Variants in DBF4 observed in about 807,000 individuals in gnomAD.
DBF4 encodes DBF4-CDC7 kinase regulatory subunit.
Under a neutral mutation model 76.6 loss-of-function variants are expected in DBF4, and 25 were observed. That is an observed-to-expected ratio of 0.33 (90% CI 0.24 to 0.46). The LOEUF (loss-of-function observed/expected upper bound fraction) is 0.46. DBF4 is among the 20% of genes least tolerant of loss of function. The probability of loss-of-function intolerance (pLI) is 1.00; values close to 1 mark genes in which losing one functional copy is unlikely to be tolerated. For synonymous variants in DBF4, 213 were observed against 258.0 expected, an observed-to-expected ratio of 0.83 and a Z score of 1.67; for missense variants, 638 against 760.8, an observed-to-expected ratio of 0.84 and a Z score of 1.90.
intron 8 of DBF4, 81 bp downstream of exon 8, chr7:87,897,420 T>G: frequency 7.7e-7 from 1 of 1,295,608 alleles, no homozygotes; most frequent in South Asian, 1.3e-5. Flanking sequence ...CTAGCTCGAT[T>G]AGTACTGTTA....
In DBF4 at chr7:87,893,478, C is replaced by T. The variant is rs570486165; in HGVS notation, c.598-2996C>T. On this transcript the variant is annotated intron_variant, in intron 6 of 11. Coordinates refer to ENST00000265728, the MANE Select transcript of DBF4 (RefSeq NM_006716.4). The stretch of plus-strand genomic sequence containing the variant: ...GCCAGAATGGTCTCGATCTCCTGAC[C>T]TCATGATCCACCCGCCTCGGCCTCC... 1.3e-4 allele frequency among the ~76,000 whole-genome samples: 20 copies of T among 151,854 alleles called. No homozygotes were observed. In the East Asian group the frequency reaches 3.5e-3, roughly 27 times the overall value.
At chr7:87,883,861 C>T (rs1839277859) in intron 2 of DBF4, among the ~76,000 whole-genome samples, 1 of 152,092 alleles carries the variant, frequency 6.6e-6, no homozygotes. Flanking sequence ...TCACAGTTTA[C>T]TTCTGCTTAG....
chr7:87,883,160 T>C (rs1381470186), intron 2 of DBF4, among the ~76,000 whole-genome samples: 1 of 152,056 alleles, frequency 6.6e-6, no homozygotes, highest in African/African-American at 2.4e-5. Context: ...ACGTGCTAAG[T>C]GAAGGAAGCC....
intron 10 of DBF4, among the ~76,000 whole-genome samples, chr7:87,902,686 C>T (rs2131074323): frequency 6.6e-6 from 1 of 152,196 alleles, no homozygotes; most frequent in East Asian, 1.9e-4. Flanking sequence ...TTTTCCTTCC[C>T]AGAACATTAA....
chr7:87,899,033 G>A (rs558334667), intron 8 of DBF4, among the ~76,000 whole-genome samples: 1 of 152,102 alleles, frequency 6.6e-6, no homozygotes. Context: ...GAGAAAACTA[G>A]ATATACACAT....
chr7:87,882,016 G>A (rs1839226856), intron 2 of DBF4, among the ~76,000 whole-genome samples: 1 of 152,186 alleles, frequency 6.6e-6, no homozygotes, highest in African/African-American at 2.4e-5. Flanking sequence ...GGAAGTGACA[G>A]CAAACAAAAT....
At position 87,876,865 on chromosome 7, in the gene DBF4, G is replaced by T. The variant is rs866217216; in HGVS notation, c.46+87G>T. 1.2e-5 allele frequency: 17 copies of T among 1,448,376 alleles called. No individual in the cohort carries two copies. In the Middle Eastern group the frequency reaches 5.2e-4, roughly 44 times the overall value. The allele number at this position is 1,448,376 out of a possible 1,614,324, so 89.7% of individuals were successfully genotyped here. A position where few individuals can be genotyped will look rare whatever the true frequency, so the allele number is the denominator to read the frequency against. On this transcript the variant is annotated intron_variant, in intron 1 of 11. Coordinates refer to ENST00000265728, the MANE Select transcript of DBF4 (RefSeq NM_006716.4). ...ATTGATTCTTCAGACTTCTCCCGCC[G>T]GGTCCTCAGCTTCTTTTCTTCTGAC...
chr7:87,880,346 C>T (rs1839181180), intron 2 of DBF4, among the ~76,000 whole-genome samples: 2 of 152,152 alleles, frequency 1.3e-5, no homozygotes, highest in African/African-American at 4.8e-5. Context: ...TGAAGTAGAC[C>T]AGTGAAGTTA....
chr7:87,887,001 C>G (rs1839371839), intron 4 of DBF4, 107 bp downstream of exon 4: 2 of 757,772 alleles, frequency 2.6e-6, no homozygotes, highest in Non-Finnish European at 4.3e-6. Context: ...TAGGCAAAAA[C>G]CTGAATCTCA....
chr7:87,885,159 G>A lies in DBF4; in HGVS notation c.399+1G>A. 6.3e-7 allele frequency: 1 copy of A among 1,599,336 alleles called. No homozygotes were observed. Among genetic ancestry groups the A allele is most frequent in the Non-Finnish European group, 8.5e-7 (1 of 1,172,346 alleles). Reference sequence around the variant, plus strand: ...AAGTTCATTTAAGTCACCAGACACAGTAAGTCTCTTAAATATGCTTTGAGA... The same window carrying A: ...AAGTTCATTTAAGTCACCAGACACAATAAGTCTCTTAAATATGCTTTGAGA... On this transcript the variant is annotated splice_donor_variant, in intron 3 of 11. Transcript: ENST00000265728. LOFTEE classifies it high-confidence loss of function.
Position 87,900,702 on chromosome 7 carries a change from A to C in DBF4, c.810-62A>C, listed in dbSNP as rs568258679. The C allele has an allele frequency of 2.6e-5, 36 of 1,377,176 alleles. No individual in the cohort carries two copies. In the East Asian group the frequency reaches 7.6e-4, roughly 29 times the overall value. 85.3% of individuals were successfully genotyped at this position (1,377,176 alleles called of 1,614,324 possible). A position where few individuals can be genotyped will look rare whatever the true frequency, so the allele number is the denominator to read the frequency against. ...TTGTGTGTGATAGTTTAGGACAATAAATTTTTAAAGTTATTCCTTAGGTTC... is the reference window on the plus strand; with the variant it reads ...TTGTGTGTGATAGTTTAGGACAATACATTTTTAAAGTTATTCCTTAGGTTC... On this transcript the variant is annotated intron_variant, in intron 9 of 11. Coordinates refer to ENST00000265728, the MANE Select transcript of DBF4 (RefSeq NM_006716.4).
chr7:87,907,776 G>T lies in DBF4; in HGVS notation c.1638G>T (p.Gln546His), dbSNP rs758166321. 6.2e-7 allele frequency: 1 copy of T among 1,614,048 alleles called. No individual in the cohort carries two copies. The highest frequency in any genetic ancestry group is 8.5e-7 in the Non-Finnish European group (1 of 1,179,956). ...INSSQEHLTV[Q>H]AKAPFHTPPE... ...GTTCACAAGAGCACCTAACTGTTCA[G>T]GCAAAGGCTCCATTCCATACTCCTC... Residue 546 changes from glutamine (Q) to histidine (H), a missense_variant, in exon 12 of 12, where the codon CAG becomes CAT. Transcript: ENST00000265728.
intron 6 of DBF4, 200 bp downstream of exon 6, chr7:87,888,259 C>T (rs1048186804): frequency 2.0e-4 from 194 of 977,732 alleles, no homozygotes; most frequent in Non-Finnish European, 2.3e-4. Context: ...GGAATAGTGG[C>T]ATAGGTCGCT....
At chr7:87,892,894 G>T (rs1839529394) in intron 6 of DBF4, among the ~76,000 whole-genome samples, 1 of 152,148 alleles carries the variant, frequency 6.6e-6, no homozygotes, top group Non-Finnish European at 1.5e-5. Flanking sequence ...GCCATATAAC[G>T]TGCTTTTTAT....
At chr7:87,904,514 T>TGGGC in intron 11 of DBF4, 98 bp downstream of exon 11, 1 of 1,402,470 alleles carries the variant, frequency 7.1e-7, no homozygotes, top group African/African-American at 1.5e-5. Context: ...CTGAGGCAGT[T>TGGGC]GGATCACTTG....
intron 2 of DBF4, among the ~76,000 whole-genome samples, chr7:87,881,437 T>TA (rs1839211766): frequency 6.6e-6 from 1 of 152,114 alleles, no homozygotes; most frequent in Admixed American, 6.5e-5. Flanking sequence ...AATGAATCCT[T>TA]ATGTCCATCC....
At chr7:87,899,229 T>A (rs1310384724) in intron 8 of DBF4, among the ~76,000 whole-genome samples, 4 of 152,084 alleles carry the variant, frequency 2.6e-5, no homozygotes, top group Non-Finnish European at 5.9e-5. Context: ...AATAATTAAA[T>A]TGGACCATAT....
chr7:87,880,299 T>C (rs1839180020), intron 2 of DBF4, among the ~76,000 whole-genome samples: 1 of 152,214 alleles, frequency 6.6e-6, no homozygotes, highest in Non-Finnish European at 1.5e-5. Context: ...GAGGGACCTT[T>C]TGGTTTTACA....
At chr7:87,894,770 G>A (rs1440315019) in intron 6 of DBF4, among the ~76,000 whole-genome samples, 1 of 152,162 alleles carries the variant, frequency 6.6e-6, no homozygotes, top group African/African-American at 2.4e-5. Flanking sequence ...CGAGAAATCT[G>A]CAGTTACTCA....
Sources: gnomAD v4.1 joint callset for allele counts (sites outside exome capture counted in the v4.1 genomes callset) on GRCh38, gnomAD v4.1.1 for gene constraint, MANE v1.5 for transcripts, NCBI Gene and HGNC (gene_info 2026-07-23, HGNC 2026-07-21) for gene names.